The following AOX1 variants were observed in gnomAD, a reference collection of about 807,000 sequenced individuals.
The protein encoded by AOX1 is aldehyde oxidase 1, also known as aldehyde oxidase.
In AOX1, 153 loss-of-function variants were observed where a neutral mutation model predicts 169.5. That is an observed-to-expected ratio of 0.90 (90% confidence interval 0.79 to 1.03). The LOEUF (loss-of-function observed/expected upper bound fraction) is 1.03. Among genes scored for constraint, AOX1 ranks in the 50% least tolerant of loss-of-function variants. AOX1 has a pLI of 0.00. For missense variants in AOX1, 1,656 were observed against 1,663.9 expected (o/e 1.00, Z 0.08); for synonymous variants, 562 against 581.9 (o/e 0.97, Z 0.49).
chr2:200,652,908 G>T (rs1416682659), intron 26 of AOX1, among the ~76,000 whole-genome samples: 1 of 152,048 alleles, frequency 6.6e-6, no homozygotes, highest in Admixed American at 6.6e-5. Context: ...CTACAAAAAA[G>T]AAAAAATAAT....
At chr2:200,647,676 A>G (rs1415252784) in intron 25 of AOX1, among the ~76,000 whole-genome samples, 1 of 152,170 alleles carries the variant, frequency 6.6e-6, no homozygotes. Context: ...CCCCCTGAAT[A>G]TGTTTTCCAA....
downstream of AOX1, among the ~76,000 whole-genome samples, chr2:200,677,324 A>C: frequency 6.6e-6 from 1 of 152,192 alleles, no homozygotes; most frequent in Non-Finnish European, 1.5e-5. Context: ...ATGCAAAGCG[A>C]TTGTGTTGAT....
chr2:200,599,691 G>A lies in AOX1; in HGVS notation c.381G>A (p.Thr127=), dbSNP rs746274929. The A allele has an allele frequency of 1.2e-5, 20 of 1,612,878 alleles. No individual in the cohort carries two copies. The highest frequency in any genetic ancestry group is 3.3e-4 in the Middle Eastern group (2 of 6,076). The change falls in exon 5 of 35, where the codon ACG becomes ACA. Residue 127 remains threonine, a synonymous_variant. Transcript: ENST00000374700. ...CTPGMVMSIY[T]LLRNHPEPTL... ...CTGGGATGGTGATGTCCATCTACAC[G>A]CTGCTCAGGAACCACCCAGAGCCCA...
chr2:200,646,624 G>C (rs2035458095), intron 25 of AOX1, among the ~76,000 whole-genome samples: 1 of 152,066 alleles, frequency 6.6e-6, no homozygotes, highest in African/African-American at 2.4e-5. Context: ...TTGACTTTCT[G>C]TCTTGATGAC....
chr2:200,652,859 G>A (rs10192757), intron 26 of AOX1, among the ~76,000 whole-genome samples: 6,108 of 152,260 alleles, frequency 0.04, 291 homozygotes, highest in East Asian at 0.25. Context: ...GAGGCCAGAA[G>A]TTTGAAACCA....
At chr2:200,603,133 A>C (rs2034449107) in intron 6 of AOX1, 134 bp from the exon 7 acceptor site, 1 of 692,884 alleles carries the variant, frequency 1.4e-6, no homozygotes, top group African/African-American at 1.8e-5. Flanking sequence ...GATATGTTTA[A>C]GTACAAATGG....
chr2:200,634,689 A>G, intron 20 of AOX1, 102 bp from the exon 21 acceptor site: 2 of 1,403,980 alleles, frequency 1.4e-6, no homozygotes, highest in South Asian at 2.7e-5. Flanking sequence ...TGCCCAGCAG[A>G]AGTACTATTA....
intron 1 of AOX1, among the ~76,000 whole-genome samples, chr2:200,591,590 C>T (rs2034173943): frequency 6.6e-6 from 1 of 152,212 alleles, no homozygotes; most frequent in Non-Finnish European, 1.5e-5. Context: ...CTAAGATCCA[C>T]TCAGTGTACT....
At chr2:200,616,104 C>A (rs2034752683) in intron 16 of AOX1, 41 bp downstream of exon 16, 2 of 1,440,972 alleles carry the variant, frequency 1.4e-6, no homozygotes, top group East Asian at 4.6e-5. Context: ...ACAATCTGGG[C>A]TATAGTGATT....
At chr2:200,636,808 G>A in intron 21 of AOX1, 103 bp from the exon 22 acceptor site, 2 of 1,402,670 alleles carry the variant, frequency 1.4e-6, no homozygotes, top group East Asian at 2.3e-5. Flanking sequence ...CAGGGGACAG[G>A]TTTTTTGTTG....
rs373988743 is a variant in AOX1, at chr2:200,656,928, A to T, written c.3162A>T (p.Lys1054Asn). ...GIEMGQGVHT[K>N]MIQVVSRELR... Reference sequence around the variant, plus strand: ...AAATGGGGCAGGGGGTCCACACTAAAATGATTCAGGTAAGAATGCAAATAA... The same window carrying T: ...AAATGGGGCAGGGGGTCCACACTAATATGATTCAGGTAAGAATGCAAATAA... Residue 1054 changes from lysine to asparagine, a missense_variant, in exon 27 of 35, where the codon AAA becomes AAT. By Grantham distance (94) the Lys-to-Asn change is moderately conservative (BLOSUM62 0). Transcript: ENST00000374700. 33 of 1,572,984 alleles carry T rather than the reference A, an allele frequency of 2.1e-5. No individual in the cohort carries two copies. Among genetic ancestry groups the T allele is most frequent in the Non-Finnish European group, 2.8e-5 (32 of 1,158,512 alleles).
intron 23 of AOX1, among the ~76,000 whole-genome samples, chr2:200,639,328 G>T (rs947795295): frequency 6.6e-6 from 1 of 152,172 alleles, no homozygotes; most frequent in Non-Finnish European, 1.5e-5. Flanking sequence ...TTTAGGCACC[G>T]GACCTGTAAG....
intron 31 of AOX1, 44 bp downstream of exon 31, chr2:200,663,013 A>C (rs1238652644): frequency 8.8e-6 from 13 of 1,485,586 alleles, no homozygotes; most frequent in Non-Finnish European, 1.2e-5. Flanking sequence ...CTTAGGATGC[A>C]CCTAAATTCC....
intron 26 of AOX1, among the ~76,000 whole-genome samples, 160 bp downstream of exon 26, chr2:200,651,361 C>T (rs918273604): frequency 6.6e-6 from 1 of 152,190 alleles, no homozygotes; most frequent in African/African-American, 2.4e-5. Flanking sequence ...ATTAAGCTAG[C>T]TTTACTCCAG....
chr2:200,612,837 A>T, intron 14 of AOX1, 44 bp downstream of exon 14: 1 of 1,533,712 alleles, frequency 6.5e-7, no homozygotes, highest in Non-Finnish European at 8.8e-7. Flanking sequence ...TTGTCCTTAG[A>T]CTCCAAGTAT....
At chr2:200,609,248 C>T in intron 11 of AOX1, 73 bp from the exon 12 acceptor site, 2 of 1,591,790 alleles carry the variant, frequency 1.3e-6, no homozygotes, top group Non-Finnish European at 1.7e-6. Context: ...TCTCCAAAGC[C>T]TTGCTTAATC....
At chr2:200,679,089 C>G (rs1160475244), downstream of AOX1, among the ~76,000 whole-genome samples, 2 of 152,152 alleles carry the variant, frequency 1.3e-5, no homozygotes, top group Non-Finnish European at 2.9e-5. Flanking sequence ...AGAAAAATGG[C>G]TTTCTTAATT....
intron 21 of AOX1, among the ~76,000 whole-genome samples, chr2:200,635,999 T>A (rs1202554350): frequency 6.6e-6 from 1 of 151,632 alleles, no homozygotes; most frequent in African/African-American, 2.4e-5. Context: ...TCTGTAAGAA[T>A]CAATTGTTAA....
intron 4 of AOX1, chr2:200,676,802 G>A (rs972731786): frequency 2.3e-6 from 1 of 429,956 alleles, no homozygotes; most frequent in Non-Finnish European, 4.8e-6. Flanking sequence ...GACAGGAGCT[G>A]GTTGGAGGAA....
Sources: allele counts gnomAD v4.1 joint callset (sites outside exome capture counted in the v4.1 genomes callset), GRCh38; gene constraint gnomAD v4.1.1; transcripts MANE v1.5; gene names NCBI Gene and HGNC (gene_info 2026-07-23, HGNC 2026-07-21).